PDE11A: variants seen among roughly 807,000 people sequenced by gnomAD.
PDE11A encodes dual 3',5'-cyclic-AMP and -GMP phosphodiesterase 11A.
In PDE11A, 100 loss-of-function variants were observed where a neutral mutation model predicts 100.5. The observed-to-expected ratio is 1.00, with a 90% CI of 0.85 to 1.18. PDE11A has a LOEUF of 1.18. Among genes scored for constraint, PDE11A ranks in the 50% most tolerant of loss-of-function variants. The pLI is 0.00. For synonymous variants in PDE11A, 381 were observed against 420.8 expected (o/e 0.91, Z 1.16); for missense variants, 1,141 against 1,152.6 (o/e 0.99, Z 0.15).
chr2:177,886,231 G>A (rs1389745181), intron 4 of PDE11A, among the ~76,000 whole-genome samples: 1 of 152,230 alleles, frequency 6.6e-6, no homozygotes. Flanking sequence ...AACAGCAGCA[G>A]CCAGCTATGG....
intron 2 of PDE11A, among the ~76,000 whole-genome samples, chr2:177,945,719 G>A (rs1259580798): frequency 2.2e-3 from 339 of 152,070 alleles, no homozygotes; most frequent in African/African-American, 7.4e-3. Context: ...CCCCGTCCGG[G>A]AGGGAGGTGG....
At chr2:177,659,337 C>T (rs1342677241) in intron 19 of PDE11A, among the ~76,000 whole-genome samples, 3 of 151,252 alleles carry the variant, frequency 2.0e-5, no homozygotes, top group Admixed American at 6.6e-5. Flanking sequence ...TTAACATTAG[C>T]AGCCCTGCCT....
chr2:178,104,470 T>C lies in PDE11A; in HGVS notation c.-7A>G, dbSNP rs747896900. 5 of 1,613,670 alleles carry C rather than the reference T, an allele frequency of 3.1e-6. No homozygotes were observed. In the South Asian group the frequency reaches 4.4e-5, roughly 14 times the overall value. On this transcript the variant is annotated 5_prime_UTR_variant, in exon 2 of 21. Transcript: ENST00000358450. ...TTCTTGCCTGCTTCAGCATCTCCCA[T>C]GTTGCTCTGCAATGGAACATTAAAA... is the stretch of plus-strand genomic sequence containing the variant.
intron 9 of PDE11A, among the ~76,000 whole-genome samples, chr2:177,784,401 G>A (rs549150212): frequency 6.6e-6 from 1 of 152,084 alleles, no homozygotes; most frequent in African/African-American, 2.4e-5. Context: ...GCATTGTCCT[G>A]AAACTACCCT....
intron 4 of PDE11A, among the ~76,000 whole-genome samples, chr2:177,879,413 T>A (rs1047896208): frequency 1.3e-5 from 2 of 152,248 alleles, no homozygotes; most frequent in Non-Finnish European, 2.9e-5. Context: ...AGTTTTTAAC[T>A]TTTTGAAAAT....
At chr2:177,815,309 T>C (rs1444492384) in intron 9 of PDE11A, among the ~76,000 whole-genome samples, 1 of 152,206 alleles carries the variant, frequency 6.6e-6, no homozygotes, top group Admixed American at 6.5e-5. Context: ...ACATGCTTCA[T>C]CTCATTTAAT....
chr2:177,815,011 T>C (rs919048445), intron 9 of PDE11A, among the ~76,000 whole-genome samples: 6 of 152,210 alleles, frequency 3.9e-5, no homozygotes, highest in African/African-American at 7.2e-5. Context: ...GTTCTCTCTT[T>C]GTGTGTTAAT....
At chr2:177,852,605 G>T (rs1196525487) in intron 5 of PDE11A, among the ~76,000 whole-genome samples, 3 of 152,020 alleles carry the variant, frequency 2.0e-5, no homozygotes, top group South Asian at 2.1e-4. Flanking sequence ...AATACCAGTG[G>T]GACTCAAAGC....
chr2:177,752,742 A>G (rs549637122), intron 10 of PDE11A, among the ~76,000 whole-genome samples: 1 of 152,338 alleles, frequency 6.6e-6, no homozygotes, highest in Admixed American at 6.5e-5. Context: ...CACCGGAGAT[A>G]ATAGCAATTT....
At chr2:177,723,267 A>G (rs1409539599) in intron 12 of PDE11A, 1 of 152,102 alleles carries the variant, frequency 6.6e-6, no homozygotes. Flanking sequence ...TATCAATAAA[A>G]TGGTTTGGCT....
At chr2:178,024,195 T>C (rs1026643072) in intron 1 of PDE11A, among the ~76,000 whole-genome samples, 2 of 152,142 alleles carry the variant, frequency 1.3e-5, no homozygotes, top group African/African-American at 4.8e-5. Context: ...GTGAATCACC[T>C]GAGGTCAGGA....
chr2:177,666,151 AT>A (rs1353844394), intron 18 of PDE11A, among the ~76,000 whole-genome samples: 1 of 152,190 alleles, frequency 6.6e-6, no homozygotes, highest in African/African-American at 2.4e-5. Flanking sequence ...TATCTTGCAC[AT>A]TTCATATAAA....
intron 7 of PDE11A, among the ~76,000 whole-genome samples, chr2:177,819,642 G>A (rs2083101156): frequency 6.6e-6 from 1 of 151,996 alleles, no homozygotes; most frequent in African/African-American, 2.4e-5. Context: ...GGAAAATGTG[G>A]CCTATTTCAG....
At chr2:177,696,177 A>G (rs1024251001) in intron 15 of PDE11A, among the ~76,000 whole-genome samples, 1 of 152,206 alleles carries the variant, frequency 6.6e-6, no homozygotes, top group Non-Finnish European at 1.5e-5. Flanking sequence ...AGCAATGTGG[A>G]CACTGAAGGT....
intron 12 of PDE11A, among the ~76,000 whole-genome samples, chr2:177,715,555 C>G (rs193246996): frequency 5.0e-4 from 75 of 151,494 alleles, no homozygotes; most frequent in Admixed American, 4.5e-3. Context: ...TACTGGACTT[C>G]TGGTACTGAT....
chr2:177,657,607 T>A (rs1312060516), intron 19 of PDE11A, among the ~76,000 whole-genome samples: 1 of 147,418 alleles, frequency 6.8e-6, no homozygotes, highest in Non-Finnish European at 1.5e-5. Flanking sequence ...CAAATGGAAA[T>A]ATTAGGGGAA....
At chr2:177,769,135 T>C (rs1205445583) in intron 10 of PDE11A, among the ~76,000 whole-genome samples, 188 bp downstream of exon 10, 1 of 152,170 alleles carries the variant, frequency 6.6e-6, no homozygotes, top group African/African-American at 2.4e-5. Context: ...GATTATAAAA[T>C]GACTACTCAG....
Position 177,816,977 on chromosome 2 carries a change from A to C in PDE11A, c.1645-56T>G, listed in dbSNP as rs768973547. 4.9e-6 allele frequency: 5 copies of C among 1,013,710 alleles called. No homozygotes were observed. In the Admixed American group the frequency reaches 8.5e-5, roughly 17 times the overall value. The allele number at this position is 1,013,710 out of a possible 1,614,324, so 62.8% of individuals were successfully genotyped here. On this transcript the variant is annotated intron_variant, in intron 8 of 19. Transcript: ENST00000286063. ...TTGCAGCAACTCATTGGCAAAATCT[A>C]ATATGAAAGCAGGCAGCCACCAGGG...
At chr2:177,943,815 G>A (rs984694385) in intron 2 of PDE11A, among the ~76,000 whole-genome samples, 3 of 152,066 alleles carry the variant, frequency 2.0e-5, no homozygotes, top group Admixed American at 2.0e-4. Context: ...TCAGTGTAAC[G>A]AAACTTTCCC....
Sources: gnomAD v4.1 joint callset for allele counts (sites outside exome capture counted in the v4.1 genomes callset) on GRCh38, gnomAD v4.1.1 for gene constraint, MANE v1.5 for transcripts, NCBI Gene and HGNC (gene_info 2026-07-23, HGNC 2026-07-21) for gene names.